The following DPY19L2 variants were observed in gnomAD, a reference collection of about 807,000 sequenced individuals.
The protein encoded by DPY19L2 is probable C-mannosyltransferase DPY19L2.
A neutral mutation model predicts 97.9 loss-of-function variants in DPY19L2; 34 were observed. The ratio of observed to expected loss-of-function variants is 0.35; its 90% CI spans 0.26 to 0.46. DPY19L2 has a LOEUF of 0.46. Among genes scored for constraint, DPY19L2 ranks in the 20% least tolerant of loss-of-function variants. The pLI, the probability that DPY19L2 is intolerant of heterozygous loss-of-function variation, is 1.00. For missense variants in DPY19L2, 623 were observed against 911.4 expected (o/e 0.68, Z 4.07); for synonymous variants, 230 against 307.9 (o/e 0.75, Z 2.65).
At chr12:63,584,795 TA>T (rs780552504) in intron 16 of DPY19L2, among the ~76,000 whole-genome samples, 1 of 152,180 alleles carries the variant, frequency 6.6e-6, no homozygotes, top group African/African-American at 2.4e-5. Context: ...GTGCTTTCTT[TA>T]AGAGAAAAGG....
chr12:63,628,563 G>T (rs1209516110), intron 6 of DPY19L2, among the ~76,000 whole-genome samples: 2 of 152,152 alleles, frequency 1.3e-5, no homozygotes, highest in Non-Finnish European at 2.9e-5. Context: ...AAACAAAGCA[G>T]CCAGGAAGCT....
chr12:63,622,409 T>A (rs1888837927), intron 8 of DPY19L2, among the ~76,000 whole-genome samples: 1 of 151,760 alleles, frequency 6.6e-6, no homozygotes, highest in African/African-American at 2.4e-5. Flanking sequence ...GAGGAGGAGG[T>A]TCCTAAATCC....
At chr12:63,632,169 CT>C (rs1283150589) in intron 6 of DPY19L2, among the ~76,000 whole-genome samples, 2 of 152,118 alleles carry the variant, frequency 1.3e-5, no homozygotes, top group Non-Finnish European at 2.9e-5. Context: ...CAGGGATGCC[CT>C]CTCTCACCAC....
intron 6 of DPY19L2, among the ~76,000 whole-genome samples, chr12:63,643,495 C>T (rs1275486886): frequency 2.6e-5 from 4 of 152,054 alleles, no homozygotes; most frequent in African/African-American, 9.7e-5. Context: ...ACAAGAATAA[C>T]ATTGTAAAGA....
intron 6 of DPY19L2, among the ~76,000 whole-genome samples, chr12:63,643,705 C>G (rs1893013148): frequency 6.6e-6 from 1 of 152,122 alleles, no homozygotes; most frequent in Non-Finnish European, 1.5e-5. Context: ...CTTATGGTCA[C>G]AAGATGACTG....
At chr12:63,597,967 A>G in intron 13 of DPY19L2, 57 bp from the exon 14 acceptor site, 2 of 1,291,252 alleles carry the variant, frequency 1.5e-6, no homozygotes, top group Middle Eastern at 1.9e-4. Flanking sequence ...TAGCCTATAG[A>G]CAGTAATACT....
Position 63,668,268 on chromosome 12 carries a change from T to C in DPY19L2, c.126A>G (p.Leu42=). ...EVEEEMEKSA[L]GGGKLPRGSW... The stretch of plus-strand genomic sequence containing the variant: ...AGCCCCTTGGCAGTTTCCCGCCGCC[T>C]AGGGCCGACTTTTCCATCTCCTCCT... Residue 42 remains leucine (L), a synonymous_variant, in exon 1 of 22, where the codon CTA becomes CTG. Transcript: ENST00000324472. 4 of 1,613,808 alleles carry C rather than the reference T, an allele frequency of 2.5e-6. No homozygotes were observed. Among genetic ancestry groups the C allele is most frequent in the South Asian group, 1.1e-5 (1 of 91,072 alleles).
chr12:63,651,760 A>C (rs7311318), intron 4 of DPY19L2: 8,215 of 317,142 alleles, frequency 0.026, 165 homozygotes, highest in African/African-American at 0.069. Context: ...TTCATGAATA[A>C]AGAGCTGGCT....
intron 16 of DPY19L2, among the ~76,000 whole-genome samples, chr12:63,584,621 C>T (rs113192414): frequency 8.5e-5 from 13 of 152,286 alleles, no homozygotes; most frequent in Admixed American, 3.9e-4. Flanking sequence ...ATGCTCTATA[C>T]GTCACCGGCC....
At chr12:63,600,238 T>C (rs1293319205) in intron 13 of DPY19L2, 68 bp downstream of exon 13, 7 of 1,305,376 alleles carry the variant, frequency 5.4e-6, no homozygotes, top group Middle Eastern at 2.6e-4. Flanking sequence ...TAAGAATAGA[T>C]GGTTTCAAAG....
intron 4 of DPY19L2, among the ~76,000 whole-genome samples, chr12:63,651,066 A>G (rs1482940035): frequency 6.6e-6 from 1 of 152,128 alleles, no homozygotes; most frequent in Non-Finnish European, 1.5e-5. Context: ...ACATAGACCA[A>G]TGGAACAGAA....
chr12:63,665,061 C>T (rs1362519915), intron 2 of DPY19L2, among the ~76,000 whole-genome samples: 1 of 151,764 alleles, frequency 6.6e-6, no homozygotes, highest in African/African-American at 2.4e-5. Flanking sequence ...ATAATGTACA[C>T]AGGCTTGCAC....
At chr12:63,630,953 G>A (rs1281142799) in intron 6 of DPY19L2, among the ~76,000 whole-genome samples, 1 of 152,088 alleles carries the variant, frequency 6.6e-6, no homozygotes, top group Non-Finnish European at 1.5e-5. Flanking sequence ...TGAATAATCT[G>A]CTCCTGAATG....
chr12:63,633,711 T>TG (rs1298030290), intron 6 of DPY19L2, among the ~76,000 whole-genome samples: 8 of 152,176 alleles, frequency 5.3e-5, no homozygotes, highest in African/African-American at 1.9e-4. Flanking sequence ...ATCCCATTAC[T>TG]GGGTATATAC....
At chr12:63,640,010 A>G (rs1228499968) in intron 6 of DPY19L2, among the ~76,000 whole-genome samples, 3 of 152,216 alleles carry the variant, frequency 2.0e-5, no homozygotes, top group African/African-American at 7.2e-5. Flanking sequence ...ACCATGGAAT[A>G]CTATGCAGCC....
intron 16 of DPY19L2, among the ~76,000 whole-genome samples, chr12:63,591,802 G>A (rs1882973796): frequency 6.6e-6 from 1 of 151,014 alleles, no homozygotes. Context: ...AATTAGCTGG[G>A]CATGGTGATG....
At position 63,606,388 on chromosome 12, in the gene DPY19L2, A is replaced by C. The variant is rs187871864; in HGVS notation, c.1278+2228T>G. ...AGACTAATGACTGCTGAAGAATTTT[A>C]CTGGGTTGAGAAAACTGTTATTTAT... On this transcript the variant is annotated intron_variant, in intron 12 of 21. Coordinates refer to ENST00000324472, the MANE Select transcript of DPY19L2 (RefSeq NM_173812.5). 2.6e-5 allele frequency among the ~76,000 whole-genome samples: 4 copies of C among 152,230 alleles called. No individual in the cohort carries two copies. In the East Asian group the frequency reaches 7.7e-4, roughly 29 times the overall value.
chr12:63,560,729 A>G, intron 21 of DPY19L2, 67 bp from the exon 22 acceptor site: 1 of 1,556,048 alleles, frequency 6.4e-7, no homozygotes, highest in Non-Finnish European at 8.7e-7. Flanking sequence ...ATAGATACAT[A>G]ACATCTAGAT....
chr12:63,592,271 A>T (rs1883225445), intron 16 of DPY19L2, among the ~76,000 whole-genome samples: 1 of 151,652 alleles, frequency 6.6e-6, no homozygotes, highest in South Asian at 2.1e-4. Flanking sequence ...CTTTCTTCAC[A>T]GAATTGGAAA....
Sources: gnomAD v4.1 joint callset for allele counts (sites outside exome capture counted in the v4.1 genomes callset) on GRCh38, gnomAD v4.1.1 for gene constraint, MANE v1.5 for transcripts, NCBI Gene and HGNC (gene_info 2026-07-23, HGNC 2026-07-21) for gene names.